The following ADAM23 variants were observed in gnomAD, a reference collection of about 807,000 sequenced individuals.
The protein encoded by ADAM23 is ADAM metallopeptidase domain 23.
Under a neutral mutation model 120.1 loss-of-function variants are expected in ADAM23, and 33 were observed. The ratio of observed to expected loss-of-function variants is 0.27; its 90% CI spans 0.21 to 0.37. ADAM23 has a LOEUF of 0.37. Among genes scored for constraint, ADAM23 ranks in the 10% least tolerant of loss-of-function variants. ADAM23 has a pLI of 1.00. For missense variants in ADAM23, 862 were observed against 1,058.2 expected (o/e 0.81, Z 2.57); for synonymous variants, 367 against 375.2 (o/e 0.98, Z 0.25).
At chr2:206,566,804 T>C (rs1697893595) in intron 14 of ADAM23, among the ~76,000 whole-genome samples, 1 of 151,600 alleles carries the variant, frequency 6.6e-6, no homozygotes. Context: ...TCTCCTCCAA[T>C]GTAAAATCTA....
chr2:206,597,515 A>C (rs1698552758), intron 24 of ADAM23, among the ~76,000 whole-genome samples: 1 of 151,986 alleles, frequency 6.6e-6, no homozygotes, highest in Non-Finnish European at 1.5e-5. Context: ...TATGGTAATC[A>C]TTTTTCATTA....
chr2:206,474,749 A>G (rs1461524843), intron 2 of ADAM23, among the ~76,000 whole-genome samples: 4 of 151,482 alleles, frequency 2.6e-5, no homozygotes, highest in Non-Finnish European at 5.9e-5. Flanking sequence ...TAATTTTTGT[A>G]TTTTTCATAG....
At chr2:206,611,001 A>G (rs1489590763) in intron 25 of ADAM23, among the ~76,000 whole-genome samples, 1 of 152,218 alleles carries the variant, frequency 6.6e-6, no homozygotes, top group Non-Finnish European at 1.5e-5. Context: ...AACTATCTGA[A>G]TAATTGCCTT....
At chr2:206,606,126 A>G (rs561723131) in intron 24 of ADAM23, among the ~76,000 whole-genome samples, 4 of 152,216 alleles carry the variant, frequency 2.6e-5, no homozygotes, top group Non-Finnish European at 4.4e-5. Context: ...AATTAAGGCA[A>G]TAGTCCCAAC....
chr2:206,519,401 T>A (rs1696800611), intron 3 of ADAM23, among the ~76,000 whole-genome samples: 1 of 152,204 alleles, frequency 6.6e-6, no homozygotes, highest in South Asian at 2.1e-4. Context: ...AAATTAGTTG[T>A]GATTTAGGTA....
At chr2:206,454,228 A>C (rs756849848) in intron 2 of ADAM23, among the ~76,000 whole-genome samples, 4 of 152,184 alleles carry the variant, frequency 2.6e-5, no homozygotes, top group Non-Finnish European at 5.9e-5. Flanking sequence ...CAGGAAACTT[A>C]AAGTCTTGGT....
chr2:206,506,932 T>G (rs755288913), intron 3 of ADAM23, among the ~76,000 whole-genome samples: 22 of 152,214 alleles, frequency 1.4e-4, no homozygotes, highest in Non-Finnish European at 2.8e-4. Context: ...GATAAACCTG[T>G]ATAAGTGAAA....
chr2:206,471,118 G>C (rs62195941), intron 2 of ADAM23, among the ~76,000 whole-genome samples: 146 of 152,248 alleles, frequency 9.6e-4, no homozygotes, highest in Non-Finnish European at 1.7e-3. Flanking sequence ...AGAGAGCTCT[G>C]GCCTGGACAG....
chr2:206,608,897 G>A (rs945057466), intron 24 of ADAM23, among the ~76,000 whole-genome samples: 5 of 152,160 alleles, frequency 3.3e-5, no homozygotes, highest in Admixed American at 3.3e-4. Flanking sequence ...AGCAACATTG[G>A]CTTTGTGATT....
At chr2:206,479,672 T>TTC (rs377258635) in intron 2 of ADAM23, among the ~76,000 whole-genome samples, 10 of 150,826 alleles carry the variant, frequency 6.6e-5, no homozygotes, top group East Asian at 1.9e-4. Flanking sequence ...TGACAGAAGT[T>TTC]TCTCTCTCTC....
At chr2:206,531,457 A>G (rs775209240) in intron 4 of ADAM23, among the ~76,000 whole-genome samples, 16 of 152,238 alleles carry the variant, frequency 1.1e-4, no homozygotes, top group Non-Finnish European at 2.1e-4. Flanking sequence ...AGAGAGGGCA[A>G]ATAAGCCTGC....
chr2:206,556,564 T>C (rs1176242890), intron 9 of ADAM23, among the ~76,000 whole-genome samples: 1 of 152,200 alleles, frequency 6.6e-6, no homozygotes, highest in Non-Finnish European at 1.5e-5. Flanking sequence ...ATGATTTTCC[T>C]ATGGTAGACC....
chr2:206,487,550 A>G (rs1696039987), intron 3 of ADAM23, among the ~76,000 whole-genome samples: 1 of 152,218 alleles, frequency 6.6e-6, no homozygotes, highest in South Asian at 2.1e-4. Flanking sequence ...GACATCCATT[A>G]AAGAACATGA....
chr2:206,483,884 T>C (rs1695949022), intron 3 of ADAM23, among the ~76,000 whole-genome samples: 1 of 152,036 alleles, frequency 6.6e-6, no homozygotes, highest in Non-Finnish European at 1.5e-5. Context: ...GCAGCAAATA[T>C]CCATTGAGGA....
At chr2:206,489,902 G>C (rs1261434435) in intron 3 of ADAM23, among the ~76,000 whole-genome samples, 2 of 152,172 alleles carry the variant, frequency 1.3e-5, no homozygotes, top group African/African-American at 4.8e-5. Flanking sequence ...AAACACGGAA[G>C]GTCCCAAATA....
chr2:206,460,541 T>A (rs78717782), intron 2 of ADAM23, among the ~76,000 whole-genome samples: 2,994 of 152,336 alleles, frequency 0.02, 102 homozygotes, highest in African/African-American at 0.068. Context: ...TGGAGAAGTA[T>A]CTTTCAATTC....
At chr2:206,595,995 A>G in intron 23 of ADAM23, 56 bp from the exon 24 acceptor site, 1 of 1,349,782 alleles carries the variant, frequency 7.4e-7, no homozygotes, top group Admixed American at 2.0e-5. Flanking sequence ...TACATTTATC[A>G]CTATTATTCT....
At chr2:206,614,999 A>G (rs1376381905) in intron 25 of ADAM23, among the ~76,000 whole-genome samples, 1 of 152,112 alleles carries the variant, frequency 6.6e-6, no homozygotes, top group Non-Finnish European at 1.5e-5. Context: ...AGCTCAGTGT[A>G]TGGTGGCCTA....
intron 2 of ADAM23, among the ~76,000 whole-genome samples, chr2:206,453,382 TAG>T (rs1264059307): frequency 6.6e-6 from 1 of 152,244 alleles, no homozygotes; most frequent in African/African-American, 2.4e-5. Flanking sequence ...TAATTGCTTG[TAG>T]AATATCAGTT....
Sources: gnomAD v4.1 joint callset for allele counts (sites outside exome capture counted in the v4.1 genomes callset) on GRCh38, gnomAD v4.1.1 for gene constraint, MANE v1.5 for transcripts, NCBI Gene and HGNC (gene_info 2026-07-23, HGNC 2026-07-21) for gene names.